Variants in KIF26B observed in about 807,000 individuals in gnomAD.
KIF26B encodes kinesin-like protein KIF26B.
KIF26B carries 63 observed loss-of-function variants against 151.2 expected under a neutral mutation model. The ratio of observed to expected loss-of-function variants is 0.42; its 90% CI spans 0.34 to 0.51. KIF26B has a LOEUF of 0.51. Among genes scored for constraint, KIF26B ranks in the 20% least tolerant of loss-of-function variants. The pLI is 0.07. For synonymous variants in KIF26B, 1,357 were observed against 1,262.1 expected (o/e 1.08, Z -1.59); for missense variants, 2,813 against 2,913.6 (o/e 0.97, Z 0.79).
chr1:245,289,298 G>A (rs1033007932), intron 2 of KIF26B, among the ~76,000 whole-genome samples: 6 of 152,182 alleles, frequency 3.9e-5, no homozygotes, highest in Admixed American at 1.3e-4. Context: ...TATCATCAAA[G>A]AAATTACCGG....
chr1:245,688,548 G>T lies in KIF26B; in HGVS notation c.5565G>T (p.Thr1855=), dbSNP rs752587041. Residue 1855 remains threonine (T), a synonymous_variant, in exon 12 of 15, where the codon ACG becomes ACT. Transcript: ENST00000407071. ...TCCCGTCGCCCTACAGCAAGATCAC[G>T]CCCCCGCGGAGGCCCCACCGCTGCA... ...HLLPSPYSKI[T]PPRRPHRCSS... 7 of 1,542,140 alleles carry T rather than the reference G, an allele frequency of 4.5e-6. No individual in the cohort carries two copies. Among genetic ancestry groups the T allele is most frequent in the Non-Finnish European group, 5.2e-6 (6 of 1,146,662 alleles).
At chr1:245,521,084 TC>T (rs369791124) in intron 4 of KIF26B, among the ~76,000 whole-genome samples, 1,537 of 152,288 alleles carry the variant, frequency 0.01, 11 homozygotes, top group Non-Finnish European at 0.016. Context: ...ACGCCTGTAA[TC>T]CCAGCATTTT....
In KIF26B at chr1:245,446,488, T is replaced by G. The variant is rs183886839; in HGVS notation, c.1166+26743T>G. The stretch of plus-strand genomic sequence containing the variant: ...AGACATCATGACCTCAGAAACAGAG[T>G]GTCTGTGTAGGTGACTGCTCTACAA... On this transcript the variant is annotated intron_variant, in intron 4 of 14. Coordinates refer to ENST00000407071, the MANE Select transcript of KIF26B (RefSeq NM_018012.4). Among the ~76,000 whole-genome samples, 121 of 151,726 alleles carry G rather than the reference T, an allele frequency of 8.0e-4. 1 individual carries two copies. Among genetic ancestry groups the G allele is most frequent in the Admixed American group, 7.9e-3 (121 of 15,244 alleles).
At chr1:245,489,973 C>T (rs1196547798) in intron 4 of KIF26B, among the ~76,000 whole-genome samples, 1 of 152,194 alleles carries the variant, frequency 6.6e-6, no homozygotes, top group Middle Eastern at 3.2e-3. Flanking sequence ...AAGGAACATG[C>T]CCAAGCATTG....
chr1:245,220,408 G>A (rs1669741395), intron 2 of KIF26B, among the ~76,000 whole-genome samples: 1 of 62,944 alleles, frequency 1.6e-5, no homozygotes, highest in African/African-American at 4.9e-5. Context: ...ACCAGACGAT[G>A]GAGTCCAGGG....
At chr1:245,345,655 G>C (rs894603311) in intron 2 of KIF26B, among the ~76,000 whole-genome samples, 5 of 152,038 alleles carry the variant, frequency 3.3e-5, no homozygotes, top group Non-Finnish European at 7.4e-5. Flanking sequence ...GCTAAGCACC[G>C]TTCCCCTTGC....
intron 5 of KIF26B, among the ~76,000 whole-genome samples, chr1:245,546,984 T>C (rs6671334): frequency 6.6e-6 from 1 of 152,262 alleles, no homozygotes; most frequent in African/African-American, 2.4e-5. Context: ...GAAAATGTTC[T>C]GACTCTTAAT....
In KIF26B at chr1:245,703,718, GAGAGACCTTCTCAGGCTTGTTC is replaced by G. The variant is rs2044804870; in HGVS notation, c.*1119_*1140del. 1 of 152,200 alleles carries G rather than the reference GAGAGACCTTCTCAGGCTTGTTC, an allele frequency of 6.6e-6. No individual in the cohort carries two copies. Among genetic ancestry groups the G allele is most frequent in the South Asian group, 2.1e-4 (1 of 4,816 alleles). 9.4% of individuals were successfully genotyped at this position (152,200 alleles called of 1,614,324 possible). A position where few individuals can be genotyped will look rare whatever the true frequency, so the allele number is the denominator to read the frequency against. ...GATTAAAGTGGGTTTTTCCCCAGCT[GAGAGACCTTCTCAGGCTTGTTC>G]AGAGACTTCAACTGTATTGGATTAG... On this transcript the variant is annotated 3_prime_UTR_variant, in exon 15 of 15. Transcript: ENST00000407071.
At position 245,254,655 on chromosome 1, in the gene KIF26B, TC is replaced by T. The variant is rs558433519; in HGVS notation, c.465+97976del. On this transcript the variant is annotated intron_variant, in intron 2 of 14. Transcript: ENST00000407071. ...GAGTGACTGGGGAGGAAATACGTCT[TC>T]CCCTTTTATTGATCTCAGTTACGTG... Among the ~76,000 whole-genome samples, 3 of 152,254 alleles carry T rather than the reference TC, an allele frequency of 2.0e-5. No homozygotes were observed. In the South Asian group the frequency reaches 6.2e-4, roughly 32 times the overall value.
At chr1:245,643,145 C>A (rs2043911530) in intron 9 of KIF26B, among the ~76,000 whole-genome samples, 2 of 152,096 alleles carry the variant, frequency 1.3e-5, no homozygotes, top group African/African-American at 4.8e-5. Context: ...TATAGTAGAG[C>A]CTCACTTTTT....
At position 245,182,695 on chromosome 1, in the gene KIF26B, G is replaced by A. The variant is rs750854405; in HGVS notation, c.465+26012G>A. ...CTGTCGCCCAGGCTGGAGTGCAGTG[G>A]CGCCATCTCGGCTCACTGCAACCTC... On this transcript the variant is annotated intron_variant, in intron 2 of 14. Coordinates refer to ENST00000407071, the MANE Select transcript of KIF26B (RefSeq NM_018012.4). 1.1e-4 allele frequency among the ~76,000 whole-genome samples: 16 copies of A among 152,206 alleles called. No individual in the cohort carries two copies. The Middle Eastern group carries it at 0.014, about 129-fold the overall frequency.
intron 2 of KIF26B, among the ~76,000 whole-genome samples, chr1:245,266,704 A>G (rs1407123907): frequency 6.6e-6 from 1 of 152,004 alleles, no homozygotes; most frequent in African/African-American, 2.4e-5. Context: ...ACGGGGTTTC[A>G]CCATCTTGGT....
Position 245,698,811 on chromosome 1 carries a change from G to A in KIF26B, c.6028-76G>A, listed in dbSNP as rs895341179. 19 of 1,522,784 alleles carry A rather than the reference G, an allele frequency of 1.2e-5. No homozygotes were observed. Among genetic ancestry groups the A allele is most frequent in the East Asian group, 2.3e-5 (1 of 43,900 alleles). The allele number at this position is 1,522,784 out of a possible 1,614,324, so 94.3% of individuals were successfully genotyped here. A position where few individuals can be genotyped will look rare whatever the true frequency, so the allele number is the denominator to read the frequency against. ...CAAGCCCAGCCTGTTTTCCATCAAC[G>A]ATACTCACAGGTGCTCCTGTGGTGT... On this transcript the variant is annotated intron_variant, in intron 13 of 14. Transcript: ENST00000407071. This position sits in a 1 kb window ranked among gnomAD's most constrained non-coding sequence, Gnocchi z 4.0.
intron 2 of KIF26B, among the ~76,000 whole-genome samples, chr1:245,236,589 A>G (rs1290957627): frequency 6.6e-6 from 1 of 152,224 alleles, no homozygotes; most frequent in East Asian, 1.9e-4. Context: ...AATTTGTTTT[A>G]TAAGGTTGAA....
At chr1:245,347,941 A>G (rs1006888136) in intron 2 of KIF26B, among the ~76,000 whole-genome samples, 5 of 152,146 alleles carry the variant, frequency 3.3e-5, no homozygotes, top group Non-Finnish European at 7.4e-5. Flanking sequence ...GGGTACCGTT[A>G]TTTTCCCCAT....
intron 10 of KIF26B, among the ~76,000 whole-genome samples, chr1:245,648,303 C>T (rs751021351): frequency 1.3e-5 from 2 of 152,118 alleles, no homozygotes; most frequent in Non-Finnish European, 2.9e-5. Flanking sequence ...TTTAAAGTAA[C>T]TTCCTTTTAG....
Position 245,684,257 on chromosome 1 carries a change from G to A in KIF26B, c.2283G>A (p.Leu761=). ...PYKESKLAML[L]RESLGNMNCR... is the part of the protein sequence containing the mutation. ...GAGAGAGCAAGCTCGCCATGTTGCT[G>A]CGGGAGTCTCTGGGGAACATGAACT... Residue 761 remains leucine, a synonymous_variant, in exon 11 of 15, where the codon CTG becomes CTA. Coordinates refer to ENST00000407071, the MANE Select transcript of KIF26B (RefSeq NM_018012.4). 1 of 1,613,764 alleles carries A rather than the reference G, an allele frequency of 6.2e-7. No individual in the cohort carries two copies. The highest frequency in any genetic ancestry group is 8.5e-7 in the Non-Finnish European group (1 of 1,179,706).
Position 245,169,414 on chromosome 1 carries a change from C to T in KIF26B, c.465+12731C>T, listed in dbSNP as rs183380630. Among the ~76,000 whole-genome samples, 14 of 151,116 alleles carry T rather than the reference C, an allele frequency of 9.3e-5. No individual in the cohort carries two copies. The East Asian group carries it at 1.8e-3, about 19-fold the overall frequency. ...GAAGGCAGCATGTAAGGTGGTAACA[C>T]GGTAGACATTCTGCCCCAGGTTTCA... On this transcript the variant is annotated intron_variant, in intron 2 of 14. Coordinates refer to ENST00000407071, the MANE Select transcript of KIF26B (RefSeq NM_018012.4).
intron 2 of KIF26B, among the ~76,000 whole-genome samples, chr1:245,287,183 T>C (rs745905375): frequency 1.3e-5 from 2 of 152,184 alleles, no homozygotes; most frequent in Non-Finnish European, 2.9e-5. Context: ...ACAGGAAATA[T>C]TTGCAGGTCT....
Sources: gnomAD v4.1 joint callset for allele counts (sites outside exome capture counted in the v4.1 genomes callset) on GRCh38, gnomAD v4.1.1 for gene constraint, Gnocchi (gnomAD v3.1) non-coding constraint, MANE v1.5 for transcripts, NCBI Gene and HGNC (gene_info 2026-07-23, HGNC 2026-07-21) for gene names.